CYP2C18: variants seen among roughly 807,000 people sequenced by gnomAD.
CYP2C18 encodes cytochrome P450 family 2 subfamily C member 18, also known as cytochrome P450 2C18.
In CYP2C18, 38 loss-of-function variants were observed where a neutral mutation model predicts 41.3. The ratio of observed to expected loss-of-function variants is 0.92; its 90% confidence interval spans 0.71 to 1.21. The LOEUF is 1.21. CYP2C18 is among the 50% of genes most tolerant of loss of function. The pLI is 0.00. For missense variants in CYP2C18, 635 were observed against 591.4 expected, an observed-to-expected ratio of 1.07 and a Z score of -0.77; for synonymous variants, 236 against 210.0, an observed-to-expected ratio of 1.12 and a Z score of -1.07.
intron 7 of CYP2C18, among the ~76,000 whole-genome samples, chr10:94,731,672 C>T (rs1847835621): frequency 6.6e-6 from 1 of 152,126 alleles, no homozygotes. Context: ...AGCATACCTA[C>T]AGCCATCTAA....
chr10:94,702,378 CAT>C (rs1198534209), intron 4 of CYP2C18, among the ~76,000 whole-genome samples: 11 of 152,280 alleles, frequency 7.2e-5, no homozygotes, highest in East Asian at 3.9e-4. Context: ...ACCAATCAAA[CAT>C]ATGTTTGGTC....
At position 94,689,720 on chromosome 10, in the gene CYP2C18, AG is replaced by A. The variant is rs544991208; in HGVS notation, c.481+1448del. Among the ~76,000 whole-genome samples the A allele has an allele frequency of 3.4e-4, 52 of 152,288 alleles. 1 individual carries two copies. Among genetic ancestry groups the A allele is most frequent in the South Asian group, 3.1e-3 (15 of 4,830 alleles). ...TATTAGAGAATATTGACAAGAAAAAAGGTCCGTACATGTTCTGTACAGATGC... is the reference window on the plus strand; with the variant it reads ...TATTAGAGAATATTGACAAGAAAAAAGTCCGTACATGTTCTGTACAGATGC... On this transcript the variant is annotated intron_variant, in intron 3 of 8. Transcript: ENST00000285979.
chr10:94,706,722 G>T, intron 4 of CYP2C18, 62 bp from the exon 5 acceptor site: 1 of 916,858 alleles, frequency 1.1e-6, no homozygotes, highest in South Asian at 1.8e-5. Context: ...ACCAGCAGTT[G>T]ACTTATGGCA....
intron 1 of CYP2C18, among the ~76,000 whole-genome samples, chr10:94,686,354 T>C (rs1846887045): frequency 6.6e-6 from 1 of 152,186 alleles, no homozygotes; most frequent in South Asian, 2.1e-4. Context: ...CACTTCATCC[T>C]TTCCTACATG....
At position 94,731,189 on chromosome 10, in the gene CYP2C18, G is replaced by A. The variant is rs547471605; in HGVS notation, c.1150-2108G>A. The stretch of plus-strand genomic sequence containing the variant: ...AGGTCATGAGATCAAGAACATCCTG[G>A]CTAACATGGTGAAACCCCATCTCTA... On this transcript the variant is annotated intron_variant, in intron 7 of 8. Coordinates refer to ENST00000285979, the MANE Select transcript of CYP2C18 (RefSeq NM_000772.3). 3.3e-5 allele frequency among the ~76,000 whole-genome samples: 5 copies of A among 152,192 alleles called. No homozygotes were observed. In the South Asian group the frequency reaches 1.0e-3, roughly 32 times the overall value.
chr10:94,687,618 T>C, intron 1 of CYP2C18, 152 bp from the exon 2 acceptor site: 1 of 778,850 alleles, frequency 1.3e-6, no homozygotes, highest in East Asian at 2.6e-5. Flanking sequence ...ACAATAATCA[T>C]CATCTTTGTC....
intron 4 of CYP2C18, among the ~76,000 whole-genome samples, chr10:94,700,375 G>A (rs143501988): frequency 0.025 from 3,830 of 152,242 alleles, 143 homozygotes; most frequent in African/African-American, 0.075. Context: ...CAAGCAATGG[G>A]GAGAGGATTC....
intron 4 of CYP2C18, among the ~76,000 whole-genome samples, chr10:94,700,258 T>C (rs183031938): frequency 6.6e-6 from 1 of 152,334 alleles, no homozygotes; most frequent in East Asian, 1.9e-4. Context: ...CAAAACAGCA[T>C]GGTACTGCTA....
At chr10:94,699,275 TC>T (rs921211608) in intron 4 of CYP2C18, among the ~76,000 whole-genome samples, 4 of 152,146 alleles carry the variant, frequency 2.6e-5, no homozygotes, top group Admixed American at 2.6e-4. Flanking sequence ...AAAAAGCTTA[TC>T]CACTATGATG....
At chr10:94,692,861 G>A (rs1847032883) in intron 3 of CYP2C18, among the ~76,000 whole-genome samples, 1 of 152,080 alleles carries the variant, frequency 6.6e-6, no homozygotes, top group Non-Finnish European at 1.5e-5. Context: ...ATGAGTTCAT[G>A]TCCTTTGTAA....
In CYP2C18 at chr10:94,700,040, C is replaced by T. The variant is rs548786314; in HGVS notation, c.642+4963C>T. On this transcript the variant is annotated intron_variant, in intron 4 of 8. Coordinates refer to ENST00000285979, the MANE Select transcript of CYP2C18 (RefSeq NM_000772.3). ...GTAGGAAGAATCAATATCATGAAGA[C>T]GGCCATACTGCCCAAGGTAATTTAT... is the stretch of plus-strand genomic sequence containing the variant. Among the ~76,000 whole-genome samples the T allele has an allele frequency of 5.8e-4, 89 of 152,138 alleles. 2 individuals carry two copies. In the South Asian group the frequency reaches 0.012, roughly 21 times the overall value.
chr10:94,699,956 C>T (rs1176245487), intron 4 of CYP2C18, among the ~76,000 whole-genome samples: 1 of 152,112 alleles, frequency 6.6e-6, no homozygotes, highest in Non-Finnish European at 1.5e-5. Flanking sequence ...AACCAGAAAC[C>T]ACTCCTCAAT....
chr10:94,724,397 G>T lies in CYP2C18; in HGVS notation c.1013G>T (p.Cys338Phe). 6.2e-7 allele frequency: 1 copy of T among 1,613,558 alleles called. No homozygotes were observed. ...ECVVGRNRSPCMQDRSHMPYT... is the reference protein window; with the variant it reads ...ECVVGRNRSPFMQDRSHMPYT... ...GTAGTTGGCAGAAACCGGAGCCCCT[G>T]TATGCAGGACAGGAGTCACATGCCC... The change falls in exon 7 of 9, where the codon TGT (cysteine) becomes TTT (phenylalanine). Residue 338 changes from cysteine to phenylalanine, a missense_variant. Coordinates refer to ENST00000285979, the MANE Select transcript of CYP2C18 (RefSeq NM_000772.3).
intron 3 of CYP2C18, among the ~76,000 whole-genome samples, chr10:94,692,592 C>T (rs1047459566): frequency 6.6e-6 from 1 of 152,238 alleles, no homozygotes; most frequent in Admixed American, 6.5e-5. Flanking sequence ...ACTAGTTTAA[C>T]CATTGTGGAA....
intron 3 of CYP2C18, among the ~76,000 whole-genome samples, chr10:94,690,483 G>C (rs571202375): frequency 2.0e-5 from 3 of 152,138 alleles, no homozygotes; most frequent in Non-Finnish European, 2.9e-5. Flanking sequence ...GACTAAACCA[G>C]GAAGAAGTTG....
intron 3 of CYP2C18, among the ~76,000 whole-genome samples, chr10:94,693,494 C>T (rs1358976173): frequency 6.6e-6 from 1 of 152,090 alleles, no homozygotes; most frequent in Non-Finnish European, 1.5e-5. Context: ...CAAGAACAGC[C>T]TAATATACTT....
At chr10:94,690,865 C>T (rs1311111643) in intron 3 of CYP2C18, among the ~76,000 whole-genome samples, 1 of 152,048 alleles carries the variant, frequency 6.6e-6, no homozygotes, top group African/African-American at 2.4e-5. Context: ...CAAGGCTGGT[C>T]CAACATATGA....
intron 5 of CYP2C18, among the ~76,000 whole-genome samples, chr10:94,716,477 T>G (rs1328343082): frequency 6.6e-6 from 1 of 152,216 alleles, no homozygotes; most frequent in Non-Finnish European, 1.5e-5. Flanking sequence ...TCAGTTTGCA[T>G]GTAATTGAGT....
At chr10:94,690,636 A>G (rs1846981107) in intron 3 of CYP2C18, among the ~76,000 whole-genome samples, 1 of 152,210 alleles carries the variant, frequency 6.6e-6, no homozygotes, top group Non-Finnish European at 1.5e-5. Flanking sequence ...AACTATTCCA[A>G]TCAATAGAAA....
Sources: gnomAD v4.1 joint callset for allele counts (sites outside exome capture counted in the v4.1 genomes callset) on GRCh38, gnomAD v4.1.1 for gene constraint, MANE v1.5 for transcripts, NCBI Gene and HGNC (gene_info 2026-07-23, HGNC 2026-07-21) for gene names.